Variants in AKAP6 observed in about 807,000 individuals in gnomAD.
The protein encoded by AKAP6 is A-kinase anchor protein 6.
Under a neutral mutation model 188.5 loss-of-function variants are expected in AKAP6, and 58 were observed. The ratio of observed to expected loss-of-function variants is 0.31; its 90% CI spans 0.25 to 0.38. The LOEUF (loss-of-function observed/expected upper bound fraction) is 0.38, where lower values mean the gene tolerates loss of function less well. Ranked by LOEUF, AKAP6 falls within the 10% of genes least tolerant of loss-of-function variation. The pLI is 1.00. For missense variants in AKAP6, 2,710 were observed against 2,740.0 expected (o/e 0.99, Z 0.24); for synonymous variants, 989 against 998.6 (o/e 0.99, Z 0.18).
chr14:32,433,974 T>A lies in AKAP6; in HGVS notation c.324+157T>A, dbSNP rs1425033745. The A allele has an allele frequency of 4.4e-6, 3 of 679,354 alleles. No individual in the cohort carries two copies. The Admixed American group carries it at 8.9e-5, about 20-fold the overall frequency. The allele number at this position is 679,354 out of a possible 1,614,324, so 42.1% of individuals were successfully genotyped here. A position where few individuals can be genotyped will look rare whatever the true frequency, so the allele number is the denominator to read the frequency against. ...TCTTTAGAGATAAACATGGAAATAA[T>A]TAATTCTTCTCTGATTTTACTACAT... On this transcript the variant is annotated intron_variant, in intron 2 of 13. Coordinates refer to ENST00000280979, the MANE Select transcript of AKAP6 (RefSeq NM_004274.5).
chr14:32,495,575 G>C (rs895100550), intron 2 of AKAP6, among the ~76,000 whole-genome samples: 3 of 152,162 alleles, frequency 2.0e-5, no homozygotes, highest in Admixed American at 1.3e-4. Context: ...GAACGTCTTC[G>C]TATTGTTGTT....
At chr14:32,766,020 C>T (rs1281976764) in intron 11 of AKAP6, among the ~76,000 whole-genome samples, 1 of 152,124 alleles carries the variant, frequency 6.6e-6, no homozygotes, top group East Asian at 1.9e-4. Context: ...TCGCTTTTTG[C>T]CCCTCACTGG....
chr14:32,730,779 T>C (rs1050697323), intron 9 of AKAP6, among the ~76,000 whole-genome samples: 2 of 152,232 alleles, frequency 1.3e-5, no homozygotes, highest in Admixed American at 1.3e-4. Flanking sequence ...TATATCATTT[T>C]AGATGGGAAC....
chr14:32,358,524 G>T (rs1252452268), intron 1 of AKAP6, among the ~76,000 whole-genome samples: 2 of 151,714 alleles, frequency 1.3e-5, no homozygotes, highest in Non-Finnish European at 1.5e-5. Flanking sequence ...CCTGTGTTGG[G>T]TGGGGGGGTT....
chr14:32,792,102 G>C (rs2033629479), intron 12 of AKAP6, among the ~76,000 whole-genome samples: 1 of 152,002 alleles, frequency 6.6e-6, no homozygotes, highest in Non-Finnish European at 1.5e-5. Flanking sequence ...TGGACTCTGT[G>C]GGCTCTTTTT....
intron 1 of AKAP6, among the ~76,000 whole-genome samples, chr14:32,423,779 CTTTAA>C (rs1442876289): frequency 7.2e-5 from 11 of 151,976 alleles, no homozygotes; most frequent in African/African-American, 2.7e-4. Context: ...ATATATTACT[CTTTAA>C]TTAATTTAGA....
intron 3 of AKAP6, among the ~76,000 whole-genome samples, chr14:32,536,084 A>C (rs1882663512): frequency 6.6e-6 from 1 of 152,230 alleles, no homozygotes; most frequent in Non-Finnish European, 1.5e-5. Context: ...ATAAATATGT[A>C]TTGAGTACTT....
intron 4 of AKAP6, among the ~76,000 whole-genome samples, chr14:32,563,284 C>G (rs1168465118): frequency 6.6e-6 from 1 of 152,088 alleles, no homozygotes; most frequent in Non-Finnish European, 1.5e-5. Flanking sequence ...TGTTACAATA[C>G]CTGTGCTATT....
intron 2 of AKAP6, among the ~76,000 whole-genome samples, chr14:32,444,603 A>G (rs913223056): frequency 6.6e-6 from 1 of 152,170 alleles, no homozygotes; most frequent in African/African-American, 2.4e-5. Flanking sequence ...CATTAAATGG[A>G]GAAGGAATAT....
chr14:32,506,857 A>G (rs1261236063), intron 2 of AKAP6, among the ~76,000 whole-genome samples: 1 of 152,076 alleles, frequency 6.6e-6, no homozygotes, highest in Non-Finnish European at 1.5e-5. Flanking sequence ...TTTTACCTCA[A>G]AAAAATTGCG....
chr14:32,686,150 G>A (rs7155003), intron 8 of AKAP6, among the ~76,000 whole-genome samples: 31,957 of 152,080 alleles, frequency 0.21, 5,427 homozygotes, highest in East Asian at 0.47. Flanking sequence ...ACGTGATGGA[G>A]CTGGAGGTCA....
intron 8 of AKAP6, among the ~76,000 whole-genome samples, chr14:32,679,844 C>A (rs1405440099): frequency 6.6e-6 from 1 of 152,140 alleles, no homozygotes; most frequent in East Asian, 1.9e-4. Context: ...GTCATTTATT[C>A]ACCAGAGGAA....
chr14:32,553,821 TA>T (rs1188509461), intron 4 of AKAP6, among the ~76,000 whole-genome samples: 1 of 152,208 alleles, frequency 6.6e-6, no homozygotes, highest in African/African-American at 2.4e-5. Context: ...GGATTTTGCT[TA>T]ACTCTGGCTG....
intron 11 of AKAP6, among the ~76,000 whole-genome samples, chr14:32,752,164 A>G (rs1368600916): frequency 1.3e-5 from 2 of 152,198 alleles, no homozygotes; most frequent in Admixed American, 1.3e-4. Flanking sequence ...ATTTTCTTCA[A>G]TTTTATTAAA....
In AKAP6 at chr14:32,357,205, A is replaced by T. The variant is rs563477193; in HGVS notation, c.-35+27797A>T. Among the ~76,000 whole-genome samples, 11 of 152,298 alleles carry T rather than the reference A, an allele frequency of 7.2e-5. No homozygotes were observed. In the East Asian group the frequency reaches 1.9e-3, roughly 27 times the overall value. ...CACAGAGAGTGTATTTGTTTTAAGGATAAGAGCAAATTAATGAGTCTCTTC... is the reference window on the plus strand; with the variant it reads ...CACAGAGAGTGTATTTGTTTTAAGGTTAAGAGCAAATTAATGAGTCTCTTC... On this transcript the variant is annotated intron_variant, in intron 1 of 13. Coordinates refer to ENST00000280979, the MANE Select transcript of AKAP6 (RefSeq NM_004274.5).
intron 2 of AKAP6, among the ~76,000 whole-genome samples, chr14:32,475,958 C>T (rs1183585017): frequency 1.3e-5 from 2 of 152,078 alleles, no homozygotes; most frequent in African/African-American, 4.8e-5. Context: ...GCTGGGATTA[C>T]AGGCGTGAGC....
Position 32,545,943 on chromosome 14 carries a change from T to A in AKAP6, c.1290T>A (p.Asp430Glu). 6.2e-7 allele frequency: 1 copy of A among 1,614,180 alleles called. No homozygotes were observed. The highest frequency in any genetic ancestry group is 8.5e-7 in the Non-Finnish European group (1 of 1,180,026). Residue 430 changes from aspartate to glutamate, a missense_variant, in exon 4 of 14, where the codon GAT becomes GAA. Physicochemically the swap from Asp to Glu is conservative, Grantham distance 45. Transcript: ENST00000280979. ...GCAGAAGCACCCCTTCGCTAGTAGA[T>A]CCTCCTGACAGATCCAAACTTTGCC... ...EMSRSTPSLV[D>E]PPDRSKLCLV...
intron 4 of AKAP6, among the ~76,000 whole-genome samples, chr14:32,553,109 T>C (rs1356493041): frequency 6.6e-6 from 1 of 152,182 alleles, no homozygotes; most frequent in African/African-American, 2.4e-5. Flanking sequence ...TTTCTTATAA[T>C]AGACTAATTT....
At chr14:32,423,282 A>G (rs1314236384) in intron 1 of AKAP6, among the ~76,000 whole-genome samples, 3 of 151,906 alleles carry the variant, frequency 2.0e-5, no homozygotes, top group Non-Finnish European at 4.4e-5. Flanking sequence ...TGATCCTCCC[A>G]CCTCAGCCTC....
Sources: allele counts gnomAD v4.1 joint callset (sites outside exome capture counted in the v4.1 genomes callset), GRCh38; gene constraint gnomAD v4.1.1; transcripts MANE v1.5; gene names NCBI Gene and HGNC (gene_info 2026-07-23, HGNC 2026-07-21).